Variants in ZNF573 observed in about 807,000 individuals in gnomAD.
ZNF573 encodes zinc finger protein 573.
ZNF573 carries 41 observed loss-of-function variants against 57.4 expected under a neutral mutation model. The observed-to-expected ratio is 0.71, with a 90% confidence interval of 0.56 to 0.93. ZNF573 has a LOEUF of 0.93. ZNF573 is among the 40% of genes least tolerant of loss of function. ZNF573 has a pLI of 0.00. For missense variants in ZNF573, 730 were observed against 794.8 expected, an observed-to-expected ratio of 0.92 and a Z score of 0.98; for synonymous variants, 249 against 261.0, an observed-to-expected ratio of 0.95 and a Z score of 0.44.
chr19:37,740,637 T>G (rs915826235), intron 4 of ZNF573: 1 of 455,314 alleles, frequency 2.2e-6, no homozygotes, highest in African/African-American at 2.0e-5. Context: ...GGACTGCTGC[T>G]TACCTAGGAG....
intron 4 of ZNF573, among the ~76,000 whole-genome samples, chr19:37,762,026 ATTTCAC>A (rs982729287): frequency 6.6e-6 from 1 of 152,226 alleles, no homozygotes; most frequent in African/African-American, 2.4e-5. Flanking sequence ...ACAAATTCTT[ATTTCAC>A]CAAATTATAA....
chr19:37,751,671 C>CTG (rs2045436122), intron 4 of ZNF573, among the ~76,000 whole-genome samples: 2 of 123,110 alleles, frequency 1.6e-5, no homozygotes, highest in Non-Finnish European at 3.7e-5. Context: ...AGCATATATA[C>CTG]TGTATATAGT....
chr19:37,752,706 C>T lies in ZNF573; in HGVS notation c.296-12512G>A, dbSNP rs1444563585. Among the ~76,000 whole-genome samples, 17 of 152,212 alleles carry T rather than the reference C, an allele frequency of 1.1e-4. No homozygotes were observed. The East Asian group carries it at 3.1e-3, about 28-fold the overall frequency. On this transcript the variant is annotated intron_variant, in intron 4 of 4. Transcript: ENST00000536220. ...CTGGAGTACAGTGGCATGATCATGG[C>T]TCACTGCAGCCTCAACCTTCAGGGC...
At chr19:37,752,105 C>T (rs1406709578) in intron 4 of ZNF573, among the ~76,000 whole-genome samples, 3 of 151,684 alleles carry the variant, frequency 2.0e-5, no homozygotes, top group African/African-American at 7.3e-5. Flanking sequence ...TTACATATAT[C>T]TCAAATTTAT....
At chr19:37,770,488 G>C (rs572401277) in intron 3 of ZNF573, 128 of 158,452 alleles carry the variant, frequency 8.1e-4, no homozygotes, top group Admixed American at 2.1e-3. Flanking sequence ...CTATTGGCTA[G>C]GCATGGTGGC....
chr19:37,772,501 C>A (rs1221240582), intron 2 of ZNF573, among the ~76,000 whole-genome samples: 1 of 152,090 alleles, frequency 6.6e-6, no homozygotes, highest in African/African-American at 2.4e-5. Flanking sequence ...CAAGTTACAT[C>A]ATTATGTCAG....
chr19:37,770,835 TATATATATATA>T (rs2045650896), intron 3 of ZNF573, among the ~76,000 whole-genome samples: 4 of 20,912 alleles, frequency 1.9e-4, no homozygotes, highest in South Asian at 2.2e-3. Context: ...AGTTATTTTA[TATATATATATA>T]TATATATATA....
At position 37,771,632 on chromosome 19, in the gene ZNF573, A is replaced by G. The variant is rs751114041; in HGVS notation, c.134T>C (p.Leu45Pro). 1.2e-6 allele frequency: 2 copies of G among 1,603,108 alleles called. No homozygotes were observed. The highest frequency in any genetic ancestry group is 1.7e-6 in the Non-Finnish European group (2 of 1,176,436). Residue 45 changes from leucine to proline, a missense_variant, in exon 3 of 5, where the codon CTG becomes CCG. Leu to Pro is a moderately conservative substitution (Grantham distance 98, BLOSUM62 -3). Coordinates refer to ENST00000536220, the MANE Select transcript of ZNF573 (RefSeq NM_001172690.2). ...IDFSRQEWEY[L>P]DPNQRDLYRD... is the part of the protein sequence containing the mutation. The stretch of plus-strand genomic sequence containing the variant: ...GTATAAGTCCCTCTGATTAGGGTCC[A>G]GGTATTCCCACTCCTGCCGAGAGAA...
intron 4 of ZNF573, among the ~76,000 whole-genome samples, chr19:37,767,567 A>G (rs933255959): frequency 6.6e-5 from 10 of 152,130 alleles, no homozygotes; most frequent in African/African-American, 2.4e-4. Context: ...TCTTTAGGAC[A>G]TTAGCCTGCC....
At chr19:37,774,353 C>G (rs1193312931) in intron 1 of ZNF573, among the ~76,000 whole-genome samples, 3 of 151,880 alleles carry the variant, frequency 2.0e-5, no homozygotes, top group Non-Finnish European at 2.9e-5. Flanking sequence ...GTTGGCGGGG[C>G]TGGTCTTGAA....
chr19:37,770,786 TAATAAC>T (rs1400338565), intron 3 of ZNF573, among the ~76,000 whole-genome samples: 4 of 133,118 alleles, frequency 3.0e-5, no homozygotes, highest in African/African-American at 1.2e-4. Context: ...ATAAATAAGA[TAATAAC>T]AATAACACTA....
At chr19:37,760,818 T>C (rs1304668328) in intron 4 of ZNF573, among the ~76,000 whole-genome samples, 1 of 150,128 alleles carries the variant, frequency 6.7e-6, no homozygotes, top group African/African-American at 2.5e-5. Flanking sequence ...TAAGAGTCTG[T>C]CTGAAGAAAA....
chr19:37,738,574 A>C lies in ZNF573; in HGVS notation c.1916T>G (p.Val639Gly). The change falls in exon 5 of 5, where the codon GTG (valine) becomes GGG (glycine). Residue 639 changes from valine (V) to glycine (G), a missense_variant. Physicochemically the swap from Val to Gly is moderately radical, Grantham distance 109 (BLOSUM62 -3). Coordinates refer to ENST00000536220, the MANE Select transcript of ZNF573 (RefSeq NM_001172690.2). ...GAAGGTTTTCCCACACTGCTTACAC[A>C]CATAGGGTTTCTCACCAGTATGAAT... ...ERIHTGEKPY[V>G]CKQCGKTFRY... is the part of the protein sequence containing the mutation. The C allele has an allele frequency of 6.2e-7, 1 of 1,605,126 alleles. No homozygotes were observed. The highest frequency in any genetic ancestry group is 8.5e-7 in the Non-Finnish European group (1 of 1,176,394).
intron 4 of ZNF573, among the ~76,000 whole-genome samples, chr19:37,760,318 C>T (rs11672440): frequency 0.15 from 22,172 of 149,326 alleles, 1,823 homozygotes; most frequent in Middle Eastern, 0.27. Context: ...ACTTGTAGTA[C>T]CAGAAAATAA....
At chr19:37,770,172 T>A in intron 3 of ZNF573, 75 bp from the exon 4 acceptor site, 3 of 1,187,532 alleles carry the variant, frequency 2.5e-6, no homozygotes, top group Non-Finnish European at 3.5e-6. Context: ...TTTGATTAAA[T>A]TTACAATGAA....
At chr19:37,770,859 TA>T (rs2045651919) in intron 3 of ZNF573, among the ~76,000 whole-genome samples, 4 of 99,828 alleles carry the variant, frequency 4.0e-5, no homozygotes, top group Non-Finnish European at 6.4e-5. Context: ...TATATATATA[TA>T]TATATATATA....
chr19:37,774,284 C>T (rs909196407), intron 1 of ZNF573, among the ~76,000 whole-genome samples: 1 of 151,874 alleles, frequency 6.6e-6, no homozygotes, highest in Non-Finnish European at 1.5e-5. Flanking sequence ...ACTACAGGTG[C>T]GTACCACCAC....
intron 4 of ZNF573, among the ~76,000 whole-genome samples, chr19:37,760,823 AG>A (rs1306282256): frequency 6.6e-6 from 1 of 151,724 alleles, no homozygotes; most frequent in Non-Finnish European, 1.5e-5. Flanking sequence ...GTCTGTCTGA[AG>A]AAAAAAAAAA....
intron 4 of ZNF573, among the ~76,000 whole-genome samples, chr19:37,745,731 C>G (rs1027199745): frequency 2.6e-5 from 4 of 152,228 alleles, no homozygotes; most frequent in African/African-American, 9.6e-5. Context: ...TTAACCATCT[C>G]TATTTTCTAA....
Sources: gnomAD v4.1 joint callset for allele counts (sites outside exome capture counted in the v4.1 genomes callset) on GRCh38, gnomAD v4.1.1 for gene constraint, MANE v1.5 for transcripts, NCBI Gene and HGNC (gene_info 2026-07-23, HGNC 2026-07-21) for gene names.